The following ITSN1 variants were observed in gnomAD, a reference collection of about 807,000 sequenced individuals.
The protein encoded by ITSN1 is intersectin 1, also known as intersectin-1.
Under a neutral mutation model 239.8 loss-of-function variants are expected in ITSN1, and 58 were observed. That is an observed-to-expected ratio of 0.24 (90% CI 0.20 to 0.30). ITSN1 has a LOEUF of 0.30. ITSN1 is among the 10% of genes least tolerant of loss of function. The probability of loss-of-function intolerance (pLI) is 1.00; values close to 1 mark genes in which losing one functional copy is unlikely to be tolerated. For missense variants in ITSN1, 1,558 were observed against 2,103.3 expected (o/e 0.74, Z 5.07); for synonymous variants, 780 against 770.8 (o/e 1.01, Z -0.20).
At chr21:33,664,674 A>G (rs2089806924) in intron 1 of ITSN1, among the ~76,000 whole-genome samples, 1 of 152,224 alleles carries the variant, frequency 6.6e-6, no homozygotes, top group Admixed American at 6.5e-5. Flanking sequence ...CCTGTCTCAT[A>G]AGATTGTTGT....
intron 16 of ITSN1, among the ~76,000 whole-genome samples, chr21:33,785,809 G>A (rs902757197): frequency 6.6e-6 from 1 of 152,132 alleles, no homozygotes; most frequent in African/African-American, 2.4e-5. Context: ...TTCCAAAAAA[G>A]GCTGTTTTTC....
At chr21:33,838,620 A>T in intron 29 of ITSN1, 1 of 212,654 alleles carries the variant, frequency 4.7e-6, no homozygotes, top group Non-Finnish European at 8.1e-6. Context: ...GCTCTTTGAA[A>T]TACAGACATT....
chr21:33,763,469 A>G (rs1439983253), intron 9 of ITSN1, among the ~76,000 whole-genome samples: 1 of 152,144 alleles, frequency 6.6e-6, no homozygotes. Flanking sequence ...TAGGATGTTC[A>G]GTAGCATCTG....
At chr21:33,724,026 A>T (rs1914287317) in intron 4 of ITSN1, among the ~76,000 whole-genome samples, 1 of 152,196 alleles carries the variant, frequency 6.6e-6, no homozygotes, top group South Asian at 2.1e-4. Context: ...TCTTGATGAA[A>T]TGTCATCATT....
chr21:33,827,688 A>C (rs1017428184), intron 26 of ITSN1, among the ~76,000 whole-genome samples: 1 of 152,228 alleles, frequency 6.6e-6, no homozygotes, highest in African/African-American at 2.4e-5. Context: ...AAAGTGTTTT[A>C]GTTTATTTCA....
At chr21:33,879,650 G>C (rs1377262915) in intron 34 of ITSN1, among the ~76,000 whole-genome samples, 3 of 152,306 alleles carry the variant, frequency 2.0e-5, no homozygotes, top group South Asian at 2.1e-4. Context: ...GTGAGGCCGG[G>C]ATCTGAAGAT....
intron 1 of ITSN1, among the ~76,000 whole-genome samples, chr21:33,707,534 T>C (rs2092289922): frequency 6.6e-6 from 1 of 152,218 alleles, no homozygotes; most frequent in African/African-American, 2.4e-5. Flanking sequence ...TTCTTGTGCC[T>C]CTCTGTTTTG....
At chr21:33,762,251 C>T (rs1415055887) in intron 9 of ITSN1, among the ~76,000 whole-genome samples, 2 of 151,746 alleles carry the variant, frequency 1.3e-5, no homozygotes, top group African/African-American at 4.8e-5. Flanking sequence ...TTGGCTCTCC[C>T]TGTCTTTGAT....
chr21:33,664,107 C>T (rs947378376), intron 1 of ITSN1, among the ~76,000 whole-genome samples: 3 of 152,094 alleles, frequency 2.0e-5, no homozygotes, highest in African/African-American at 2.4e-5. Flanking sequence ...TAGCCCACTT[C>T]GTGTTGCTGT....
At chr21:33,840,782 G>A (rs904667276) in intron 29 of ITSN1, among the ~76,000 whole-genome samples, 1 of 152,214 alleles carries the variant, frequency 6.6e-6, no homozygotes, top group African/African-American at 2.4e-5. Context: ...ACAGGCGTGA[G>A]CCACTGTGCC....
chr21:33,649,248 G>A (rs1224131187), intron 1 of ITSN1, among the ~76,000 whole-genome samples: 2 of 152,290 alleles, frequency 1.3e-5, no homozygotes, highest in East Asian at 3.9e-4. Context: ...GCCTAAGGAA[G>A]TTTGCTTCCT....
chr21:33,661,943 ACGTAAGAATTT>A (rs2089592499), intron 1 of ITSN1, among the ~76,000 whole-genome samples: 1 of 151,898 alleles, frequency 6.6e-6, no homozygotes, highest in African/African-American at 2.4e-5. Flanking sequence ...GAACTAATAC[ACGTAAGAATTT>A]TGACCATCTG....
intron 4 of ITSN1, among the ~76,000 whole-genome samples, chr21:33,728,968 C>T (rs1284904038): frequency 6.6e-6 from 1 of 152,140 alleles, no homozygotes; most frequent in Non-Finnish European, 1.5e-5. Flanking sequence ...TCACCTCCAG[C>T]CCAAGGGGCA....
chr21:33,760,467 A>G (rs1472734601), intron 8 of ITSN1, among the ~76,000 whole-genome samples: 1 of 152,124 alleles, frequency 6.6e-6, no homozygotes, highest in Non-Finnish European at 1.5e-5. Context: ...TCAGGATTTT[A>G]TATGTAAATA....
At chr21:33,883,076 G>A (rs921516144) in intron 35 of ITSN1, among the ~76,000 whole-genome samples, 8 of 152,134 alleles carry the variant, frequency 5.3e-5, no homozygotes, top group African/African-American at 1.9e-4. Context: ...GGAAAAAAAA[G>A]AGCTATGTAG....
intron 1 of ITSN1, among the ~76,000 whole-genome samples, chr21:33,690,235 A>G (rs2091446694): frequency 6.6e-6 from 1 of 151,798 alleles, no homozygotes; most frequent in South Asian, 2.1e-4. Flanking sequence ...CCAAGATCAC[A>G]CTTCTGCATT....
chr21:33,692,285 C>T (rs2091583453), intron 1 of ITSN1, among the ~76,000 whole-genome samples: 3 of 152,206 alleles, frequency 2.0e-5, no homozygotes, highest in South Asian at 4.1e-4. Flanking sequence ...GGCTAAGCAA[C>T]TCACGAGGTC....
chr21:33,881,406 CAAAA>C (rs1207634551), intron 34 of ITSN1, among the ~76,000 whole-genome samples: 3 of 75,042 alleles, frequency 4.0e-5, no homozygotes, highest in Non-Finnish European at 5.6e-5. Flanking sequence ...GACTCTGTCT[CAAAA>C]AAAAAAAAAA....
chr21:33,650,886 T>C (rs914837373), intron 1 of ITSN1, among the ~76,000 whole-genome samples: 6 of 152,252 alleles, frequency 3.9e-5, no homozygotes, highest in Non-Finnish European at 7.3e-5. Context: ...AGATCTGTAT[T>C]ATAGGTAGCA....
Sources: gnomAD v4.1 joint callset for allele counts (sites outside exome capture counted in the v4.1 genomes callset) on GRCh38, gnomAD v4.1.1 for gene constraint, MANE v1.5 for transcripts, NCBI Gene and HGNC (gene_info 2026-07-23, HGNC 2026-07-21) for gene names.